Variants in APBB2 observed in about 807,000 individuals in gnomAD.
The protein encoded by APBB2 is Fe65-like 1.
A neutral mutation model predicts 82.5 loss-of-function variants in APBB2; 38 were observed. The ratio of observed to expected loss-of-function variants is 0.46; its 90% confidence interval spans 0.36 to 0.60. APBB2 has a LOEUF of 0.60. APBB2 is among the 20% of genes least tolerant of loss of function. The pLI is 0.00. For missense variants in APBB2, 772 were observed against 972.3 expected, an observed-to-expected ratio of 0.79 and a Z score of 2.74; for synonymous variants, 341 against 368.2, an observed-to-expected ratio of 0.93 and a Z score of 0.85.
intron 7 of APBB2, among the ~76,000 whole-genome samples, chr4:40,943,687 TAA>T: frequency 6.6e-6 from 1 of 152,296 alleles, no homozygotes; most frequent in African/African-American, 2.4e-5. Context: ...TATGCTTCAA[TAA>T]AAAGTTGTTA....
intron 3 of APBB2, among the ~76,000 whole-genome samples, chr4:41,072,981 G>T (rs1454159173): frequency 1.3e-5 from 2 of 152,206 alleles, no homozygotes; most frequent in African/African-American, 4.8e-5. Flanking sequence ...AGGCTCAGAA[G>T]AGATCTACAA....
intron 3 of APBB2, among the ~76,000 whole-genome samples, chr4:41,068,357 G>T (rs531432714): frequency 2.4e-4 from 37 of 152,230 alleles, no homozygotes; most frequent in African/African-American, 8.2e-4. Context: ...GGTAAGTGGG[G>T]GCTACAGGAA....
Position 40,810,294 on chromosome 4 carries a change from G to A in APBB2, c.*5798C>T, listed in dbSNP as rs1373923589. 1 of 152,070 alleles carries A rather than the reference G, an allele frequency of 6.6e-6. No homozygotes were observed. The highest frequency in any genetic ancestry group is 1.5e-5 in the Non-Finnish European group (1 of 68,008). The allele number at this position is 152,070 out of a possible 1,614,324, so 9.4% of individuals were successfully genotyped here. ...TCAGTAAAACGTGTCAGTGGGCTGG[G>A]TGCAGTGGCTCACATCTGTAATCTC... On this transcript the variant is annotated 3_prime_UTR_variant, in exon 18 of 18. Coordinates refer to ENST00000508593, the MANE Select transcript of APBB2 (RefSeq NM_004307.2).
At chr4:41,151,120 A>G (rs756038543) in intron 1 of APBB2, among the ~76,000 whole-genome samples, 24 of 152,152 alleles carry the variant, frequency 1.6e-4, no homozygotes, top group Admixed American at 6.5e-4. Context: ...ATTTTCATAC[A>G]GGTAATCTTG....
At chr4:41,186,507 A>G (rs1270610826) in intron 1 of APBB2, among the ~76,000 whole-genome samples, 1 of 152,200 alleles carries the variant, frequency 6.6e-6, no homozygotes, top group Non-Finnish European at 1.5e-5. Context: ...TCAAAAATAC[A>G]ATGTGTCAAC....
At chr4:40,934,927 A>T (rs759867129) in intron 8 of APBB2, 150 bp downstream of exon 8, 3 of 726,732 alleles carry the variant, frequency 4.1e-6, no homozygotes, top group Non-Finnish European at 4.5e-6. Flanking sequence ...AAAAAAGGCA[A>T]CAGGAGTGTG....
intron 12 of APBB2, among the ~76,000 whole-genome samples, chr4:40,855,776 G>A (rs1181794950): frequency 6.6e-6 from 1 of 151,994 alleles, no homozygotes; most frequent in East Asian, 1.9e-4. Flanking sequence ...CGGAAAGTAG[G>A]GTTCTTACTG....
At chr4:41,040,819 C>T (rs1433106739) in intron 4 of APBB2, among the ~76,000 whole-genome samples, 1 of 152,192 alleles carries the variant, frequency 6.6e-6, no homozygotes, top group Non-Finnish European at 1.5e-5. Context: ...CCTGAGTCCT[C>T]TTGTTGCTTG....
intron 12 of APBB2, among the ~76,000 whole-genome samples, chr4:40,888,421 C>T (rs765307465): frequency 1.3e-5 from 2 of 152,272 alleles, no homozygotes; most frequent in Non-Finnish European, 2.9e-5. Flanking sequence ...CTCATCCACT[C>T]GTACACGCAT....
At chr4:41,142,719 G>A (rs1261923290) in intron 2 of APBB2, among the ~76,000 whole-genome samples, 2 of 152,236 alleles carry the variant, frequency 1.3e-5, no homozygotes, top group Non-Finnish European at 2.9e-5. Context: ...TTGTGCCAAC[G>A]TCCTTCTCTC....
chr4:40,895,183 A>G (rs941839150), intron 10 of APBB2, among the ~76,000 whole-genome samples: 5 of 150,236 alleles, frequency 3.3e-5, no homozygotes, highest in African/African-American at 1.2e-4. Flanking sequence ...GTCAAAGGGG[A>G]AAAAAAAAAC....
chr4:40,893,487 C>T lies in APBB2; in HGVS notation c.1255-76G>A, dbSNP rs114292299. On this transcript the variant is annotated intron_variant, in intron 10 of 17. Transcript: ENST00000508593. ...ATATCAGTTTACACTACTCCCCTCC[C>T]GCAACTAAAAGGTACTACACTTAAT... 11 of 1,396,906 alleles carry T rather than the reference C, an allele frequency of 7.9e-6. No homozygotes were observed. The East Asian group carries it at 1.8e-4, about 23-fold the overall frequency. 86.5% of individuals were successfully genotyped at this position (1,396,906 alleles called of 1,614,324 possible).
chr4:41,096,247 A>G (rs1743421032), intron 3 of APBB2, among the ~76,000 whole-genome samples: 1 of 152,230 alleles, frequency 6.6e-6, no homozygotes, highest in South Asian at 2.1e-4. Context: ...AAGATACTGC[A>G]GGGCTTTGTA....
At chr4:40,873,829 C>T (rs554511224) in intron 12 of APBB2, among the ~76,000 whole-genome samples, 9 of 152,154 alleles carry the variant, frequency 5.9e-5, no homozygotes, top group South Asian at 4.1e-4. Context: ...GGAAAAAACC[C>T]GCAAAATACT....
At chr4:41,169,877 A>C (rs1422971046) in intron 1 of APBB2, among the ~76,000 whole-genome samples, 1 of 152,128 alleles carries the variant, frequency 6.6e-6, no homozygotes, top group Non-Finnish European at 1.5e-5. Flanking sequence ...TTAAGAAGAT[A>C]AGATCTAGAA....
At chr4:41,087,494 A>G (rs1740181453) in intron 3 of APBB2, among the ~76,000 whole-genome samples, 1 of 152,142 alleles carries the variant, frequency 6.6e-6, no homozygotes, top group Admixed American at 6.5e-5. Flanking sequence ...CAGTGGCACA[A>G]TCTTAGCTCA....
intron 6 of APBB2, among the ~76,000 whole-genome samples, chr4:40,985,239 A>T (rs1027521040): frequency 6.6e-6 from 1 of 152,056 alleles, no homozygotes; most frequent in Non-Finnish European, 1.5e-5. Context: ...TTTTACGTTT[A>T]TCTATGTTTC....
intron 1 of APBB2, among the ~76,000 whole-genome samples, chr4:41,149,382 T>G (rs1023748287): frequency 6.6e-6 from 1 of 152,092 alleles, no homozygotes; most frequent in Non-Finnish European, 1.5e-5. Flanking sequence ...AAATTTTTAT[T>G]TAATTAAAAG....
intron 1 of APBB2, among the ~76,000 whole-genome samples, chr4:41,205,065 A>T (rs1324135695): frequency 2.0e-5 from 3 of 152,230 alleles, no homozygotes; most frequent in Non-Finnish European, 4.4e-5. Context: ...CCTCATTGGG[A>T]TAACAAGTTT....
Sources: gnomAD v4.1 joint callset for allele counts (sites outside exome capture counted in the v4.1 genomes callset) on GRCh38, gnomAD v4.1.1 for gene constraint, MANE v1.5 for transcripts, NCBI Gene and HGNC (gene_info 2026-07-23, HGNC 2026-07-21) for gene names.